XYLT1: variants seen among roughly 807,000 people sequenced by gnomAD.
XYLT1 encodes the protein xylosyltransferase 1.
A neutral mutation model predicts 91.3 loss-of-function variants in XYLT1; 36 were observed. The observed-to-expected ratio is 0.39, with a 90% confidence interval of 0.30 to 0.52. The LOEUF (loss-of-function observed/expected upper bound fraction) is 0.52, where lower values mean the gene tolerates loss of function less well. XYLT1 is among the 20% of genes least tolerant of loss of function. The probability of loss-of-function intolerance (pLI) is 0.68; values close to 1 mark genes in which losing one functional copy is unlikely to be tolerated. For synonymous variants in XYLT1, 588 were observed against 532.0 expected, an observed-to-expected ratio of 1.11 and a Z score of -1.45; for missense variants, 1,242 against 1,284.5, an observed-to-expected ratio of 0.97 and a Z score of 0.51.
At chr16:17,206,208 C>T (rs2032640331) in intron 3 of XYLT1, among the ~76,000 whole-genome samples, 2 of 152,106 alleles carry the variant, frequency 1.3e-5, no homozygotes, top group Non-Finnish European at 1.5e-5. Context: ...AGTTTCACAG[C>T]GGCAGCAGGC....
intron 5 of XYLT1, chr16:17,193,736 T>C (rs2032369638): frequency 6.6e-6 from 1 of 152,254 alleles, no homozygotes; most frequent in Non-Finnish European, 1.5e-5. Flanking sequence ...TTTTGGAAGC[T>C]ACAGATGGGG....
chr16:17,198,653 G>A (rs2032478193), intron 4 of XYLT1, among the ~76,000 whole-genome samples: 2 of 152,160 alleles, frequency 1.3e-5, no homozygotes, highest in South Asian at 4.1e-4. Context: ...CCGCACTTCT[G>A]AGCTAATGGT....
At chr16:17,145,302 C>G (rs1050419274) in intron 6 of XYLT1, among the ~76,000 whole-genome samples, 21 of 152,324 alleles carry the variant, frequency 1.4e-4, no homozygotes, top group African/African-American at 4.3e-4. Context: ...TTACTTGGGT[C>G]TGTATCCTCA....
chr16:17,226,199 G>T (rs1382305459), intron 3 of XYLT1, among the ~76,000 whole-genome samples: 1 of 152,160 alleles, frequency 6.6e-6, no homozygotes, highest in Non-Finnish European at 1.5e-5. Context: ...ACAACCAAAG[G>T]GAAGGCAGCA....
At chr16:17,425,063 A>G (rs1159220007) in intron 1 of XYLT1, among the ~76,000 whole-genome samples, 2 of 152,106 alleles carry the variant, frequency 1.3e-5, no homozygotes, top group East Asian at 3.9e-4. Context: ...GCCAAGCCTT[A>G]GAAGTTGGAG....
At chr16:17,319,567 C>G (rs571539696) in intron 2 of XYLT1, among the ~76,000 whole-genome samples, 1 of 152,068 alleles carries the variant, frequency 6.6e-6, no homozygotes, top group Non-Finnish European at 1.5e-5. Context: ...CTCAGCCTCC[C>G]AAATAGGTAG....
chr16:17,425,995 A>G (rs1217609150), intron 1 of XYLT1, among the ~76,000 whole-genome samples: 9 of 152,288 alleles, frequency 5.9e-5, no homozygotes, highest in South Asian at 2.1e-4. Flanking sequence ...TCTGTTCCCA[A>G]TGTTTTGTAA....
intron 2 of XYLT1, among the ~76,000 whole-genome samples, chr16:17,321,256 G>A (rs1183918264): frequency 6.8e-6 from 1 of 146,046 alleles, no homozygotes; most frequent in Non-Finnish European, 1.5e-5. Context: ...TCTCACAACT[G>A]CCCACTGCAC....
intron 1 of XYLT1, among the ~76,000 whole-genome samples, chr16:17,400,861 T>C (rs1399285632): frequency 2.0e-5 from 3 of 151,930 alleles, no homozygotes; most frequent in Non-Finnish European, 4.4e-5. Context: ...CAACCCTATA[T>C]TGGGAAAGTA....
At chr16:17,244,166 C>T (rs908188555) in intron 3 of XYLT1, among the ~76,000 whole-genome samples, 3 of 152,048 alleles carry the variant, frequency 2.0e-5, no homozygotes, top group East Asian at 1.9e-4. Context: ...CTCCCAGGTC[C>T]GGGCTTCTCA....
At chr16:17,154,551 G>T (rs1389783247) in intron 6 of XYLT1, among the ~76,000 whole-genome samples, 2 of 152,170 alleles carry the variant, frequency 1.3e-5, no homozygotes, top group Admixed American at 6.5e-5. Context: ...GATTATTCAG[G>T]CTGAGAGTAA....
chr16:17,363,657 A>C (rs190049061), intron 1 of XYLT1, among the ~76,000 whole-genome samples: 55 of 152,262 alleles, frequency 3.6e-4, no homozygotes, highest in East Asian at 3.9e-4. Flanking sequence ...CCCCTGCCTC[A>C]GCCTCCCGAG....
At chr16:17,458,256 GGA>G (rs1333572992) in intron 1 of XYLT1, among the ~76,000 whole-genome samples, 3 of 152,184 alleles carry the variant, frequency 2.0e-5, no homozygotes, top group Non-Finnish European at 4.4e-5. Flanking sequence ...GTTCTGAATA[GGA>G]GAGTCTTGGT....
chr16:17,224,799 C>G lies in XYLT1; in HGVS notation c.914-24145G>C, dbSNP rs370277548. Among the ~76,000 whole-genome samples, 19 of 152,290 alleles carry G rather than the reference C, an allele frequency of 1.2e-4. No individual in the cohort carries two copies. The East Asian group carries it at 3.5e-3, about 28-fold the overall frequency. ...CTCTCTTGTAGCGAGGTGCATGAGG[C>G]TCTCCCTAGATTTTAAGACAGGAAT... On this transcript the variant is annotated intron_variant, in intron 3 of 11. Transcript: ENST00000261381.
intron 7 of XYLT1, 129 bp from the exon 8 acceptor site, chr16:17,138,660 A>C: frequency 1.8e-4 from 207 of 1,121,778 alleles, no homozygotes; most frequent in Non-Finnish European, 2.4e-4. Context: ...GTGGCATCTC[A>C]TCAGAAGCTG....
chr16:17,248,867 C>T (rs1470588539), intron 3 of XYLT1, among the ~76,000 whole-genome samples: 2 of 151,510 alleles, frequency 1.3e-5, no homozygotes, highest in Non-Finnish European at 2.9e-5. Context: ...CATGCCTTAG[C>T]CTCCTGAGTA....
chr16:17,207,304 A>G (rs2032668442), intron 3 of XYLT1, among the ~76,000 whole-genome samples: 1 of 151,842 alleles, frequency 6.6e-6, no homozygotes, highest in African/African-American at 2.4e-5. Context: ...AGGTGATCTA[A>G]CTGTCTCAGC....
Position 17,138,377 on chromosome 16 carries a change from G to C in XYLT1, c.1742C>G (p.Pro581Arg). 6.2e-7 allele frequency: 1 copy of C among 1,613,710 alleles called. No homozygotes were observed. ...CACCTGGAAGCGGTGGAAGTCCTGC[G>C]GCTTGAAGTCATTGGGGGAGCAGCC... ...WCGCSPNDFK[P>R]QDFHRFQQTA... The change falls in exon 8 of 12, where the codon CCG becomes CGG. Residue 581 changes from proline to arginine, a missense_variant. Physicochemically the swap from Pro to Arg is moderately radical, Grantham distance 103. This residue lies in a region of XYLT1 where 294 missense variants were observed against 376.0 expected (regional missense o/e 0.78). Coordinates refer to ENST00000261381, the MANE Select transcript of XYLT1 (RefSeq NM_022166.4).
intron 1 of XYLT1, among the ~76,000 whole-genome samples, chr16:17,393,910 G>A (rs113913125): frequency 0.11 from 16,507 of 151,858 alleles, 1,202 homozygotes; most frequent in Admixed American, 0.24. Flanking sequence ...CGAGTAGCTC[G>A]GACTACAGGC....
Sources: allele counts gnomAD v4.1 joint callset (sites outside exome capture counted in the v4.1 genomes callset), GRCh38; gene constraint gnomAD v4.1.1; regional missense constraint gnomAD v4.1.1; transcripts MANE v1.5; gene names NCBI Gene and HGNC (gene_info 2026-07-23, HGNC 2026-07-21).